FAM171A1: variants seen among roughly 807,000 people sequenced by gnomAD.
FAM171A1 encodes protein FAM171A1.
A neutral mutation model predicts 74.9 loss-of-function variants in FAM171A1; 23 were observed. That is an observed-to-expected ratio of 0.31 (90% confidence interval 0.22 to 0.44). The LOEUF (loss-of-function observed/expected upper bound fraction) is 0.44. Among genes scored for constraint, FAM171A1 ranks in the 20% least tolerant of loss-of-function variants. The pLI is 1.00. For synonymous variants in FAM171A1, 527 were observed against 505.7 expected (o/e 1.04, Z -0.57); for missense variants, 1,162 against 1,159.2 (o/e 1.00, Z -0.03).
rs192715891 is a variant in FAM171A1, at chr10:15,357,262, G to A, written c.97+13694C>T. ...CACACCATTGCACTCCAGCCTGGGT[G>A]ACAGAGCGAGACTCCGTCTCAAAAT... is the stretch of plus-strand genomic sequence containing the variant. On this transcript the variant is annotated intron_variant, in intron 1 of 7. Transcript: ENST00000378116. 2.0e-3 allele frequency among the ~76,000 whole-genome samples: 308 copies of A among 152,288 alleles called. 2 individuals are homozygous for A. Among genetic ancestry groups the A allele is most frequent in the African/African-American group, 6.9e-3 (287 of 41,564 alleles).
intron 1 of FAM171A1, among the ~76,000 whole-genome samples, chr10:15,315,511 C>A (rs916326117): frequency 6.6e-6 from 1 of 152,172 alleles, no homozygotes; most frequent in Non-Finnish European, 1.5e-5. Flanking sequence ...TACTGCAGAG[C>A]GTGCCTGTGA....
At position 15,212,852 on chromosome 10, in the gene FAM171A1, C is replaced by A. The variant is rs1486255169; in HGVS notation, c.*63G>T. Reference sequence around the variant, plus strand: ...TCCGTTTCCTCCACGAACGGGTACGCGCTTCCATGAGAAAGGATATTTGGC... The same window carrying A: ...TCCGTTTCCTCCACGAACGGGTACGAGCTTCCATGAGAAAGGATATTTGGC... On this transcript the variant is annotated 3_prime_UTR_variant, in exon 8 of 8. Coordinates refer to ENST00000378116, the MANE Select transcript of FAM171A1 (RefSeq NM_001010924.2). 6.3e-7 allele frequency: 1 copy of A among 1,589,288 alleles called. No individual in the cohort carries two copies. Among genetic ancestry groups the A allele is most frequent in the African/African-American group, 1.4e-5 (1 of 74,064 alleles).
intron 1 of FAM171A1, among the ~76,000 whole-genome samples, chr10:15,340,765 A>C (rs1305478420): frequency 2.0e-5 from 3 of 152,348 alleles, no homozygotes; most frequent in African/African-American, 7.2e-5. Context: ...TTGGATACTG[A>C]GAGCACAGCA....
intron 1 of FAM171A1, among the ~76,000 whole-genome samples, chr10:15,307,957 C>T (rs1835316873): frequency 6.6e-6 from 1 of 152,036 alleles, no homozygotes; most frequent in Admixed American, 6.5e-5. Flanking sequence ...GCACATGCCA[C>T]CATACTGGGC....
At position 15,223,447 on chromosome 10, in the gene FAM171A1, T is replaced by C. The variant is rs540468300; in HGVS notation, c.755-2387A>G. 1.8e-4 allele frequency among the ~76,000 whole-genome samples: 28 copies of C among 152,340 alleles called. No homozygotes were observed. The South Asian group carries it at 5.8e-3, about 32-fold the overall frequency. On this transcript the variant is annotated intron_variant, in intron 5 of 7. Transcript: ENST00000378116. ...GAGTCACTGCTTGTCAAACAGCAGA[T>C]TCTGGGTTAGGCTAAACGGGACCCA...
At chr10:15,303,898 A>C (rs1333967648) in intron 1 of FAM171A1, among the ~76,000 whole-genome samples, 1 of 152,220 alleles carries the variant, frequency 6.6e-6, no homozygotes, top group Admixed American at 6.5e-5. Flanking sequence ...GAAAGAGATT[A>C]AGTCAAGTCC....
chr10:15,316,381 GTGTT>G (rs1444054097), intron 1 of FAM171A1, among the ~76,000 whole-genome samples: 2 of 152,238 alleles, frequency 1.3e-5, no homozygotes, highest in African/African-American at 4.8e-5. Flanking sequence ...CCTGCTGCGT[GTGTT>G]TGTTCTGGGG....
chr10:15,283,836 G>T, intron 2 of FAM171A1, 42 bp downstream of exon 2: 2 of 1,593,046 alleles, frequency 1.3e-6, no homozygotes, highest in Non-Finnish European at 8.6e-7. Context: ...CCTCCCACCA[G>T]CCAATGCCCT....
chr10:15,368,701 T>C (rs995851145), intron 1 of FAM171A1, among the ~76,000 whole-genome samples: 2 of 152,168 alleles, frequency 1.3e-5, no homozygotes, highest in African/African-American at 4.8e-5. Context: ...TACAACCCAC[T>C]GTGGGAAATG....
chr10:15,219,450 A>G (rs1332318056), intron 6 of FAM171A1, among the ~76,000 whole-genome samples: 1 of 152,242 alleles, frequency 6.6e-6, no homozygotes, highest in Non-Finnish European at 1.5e-5. Flanking sequence ...AGTGCTTAAG[A>G]CAATTCTTTT....
intron 5 of FAM171A1, among the ~76,000 whole-genome samples, chr10:15,228,156 C>T (rs1322733236): frequency 6.6e-6 from 1 of 152,086 alleles, no homozygotes; most frequent in African/African-American, 2.4e-5. Context: ...ATTTACTCTG[C>T]CTGGAAACTC....
intron 3 of FAM171A1, among the ~76,000 whole-genome samples, chr10:15,269,451 A>G (rs1834793147): frequency 6.6e-6 from 1 of 152,116 alleles, no homozygotes; most frequent in Non-Finnish European, 1.5e-5. Flanking sequence ...GTATGCTCTT[A>G]GCACAGAAAT....
chr10:15,225,347 G>A (rs1479597893), intron 5 of FAM171A1, among the ~76,000 whole-genome samples: 1 of 152,212 alleles, frequency 6.6e-6, no homozygotes, highest in Non-Finnish European at 1.5e-5. Context: ...GATCATGCCT[G>A]GGATGCTGCC....
intron 1 of FAM171A1, among the ~76,000 whole-genome samples, chr10:15,340,180 G>T (rs530101886): frequency 2.0e-5 from 3 of 152,290 alleles, no homozygotes; most frequent in African/African-American, 7.2e-5. Context: ...GACTGTCTCT[G>T]CTCCCCATCA....
At position 15,370,866 on chromosome 10, in the gene FAM171A1, G is replaced by C. The variant is rs1179531361; in HGVS notation, c.97+90C>G. On this transcript the variant is annotated intron_variant, in intron 1 of 7. Transcript: ENST00000378116. ...GGGCTGCGTCGCCACCACGCGGCCCGGGACCCTCCCGCCGCCGCCGCCGCC... is the reference window on the plus strand; with the variant it reads ...GGGCTGCGTCGCCACCACGCGGCCCCGGACCCTCCCGCCGCCGCCGCCGCC... 6 of 550,278 alleles carry C rather than the reference G, an allele frequency of 1.1e-5. No individual in the cohort carries two copies. In the East Asian group the frequency reaches 7.9e-4, roughly 72 times the overall value. 34.1% of individuals were successfully genotyped at this position (550,278 alleles called of 1,614,324 possible). A position where few individuals can be genotyped will look rare whatever the true frequency, so the allele number is the denominator to read the frequency against.
chr10:15,214,320 T>C lies in FAM171A1; in HGVS notation c.1268A>G (p.Gln423Arg). Residue 423 changes from glutamine (Q) to arginine (R), a missense_variant, in exon 8 of 8, where the codon CAG (glutamine) becomes CGG (arginine). By Grantham distance (43) the Gln-to-Arg change is conservative. Transcript: ENST00000378116. ...GAGCTCCTCCCGGGAGCTAAATTCC[T>C]GGGAGGTGCTGTAGGAGAGCTTGAG... is the stretch of plus-strand genomic sequence containing the variant. ...PMLKLSYSTSQEFSSREELLS... is the reference protein window; with the variant it reads ...PMLKLSYSTSREFSSREELLS... 1 of 1,612,898 alleles carries C rather than the reference T, an allele frequency of 6.2e-7. No individual in the cohort carries two copies. The highest frequency in any genetic ancestry group is 8.5e-7 in the Non-Finnish European group (1 of 1,179,514).
chr10:15,274,013 T>C (rs1448679603), intron 3 of FAM171A1, among the ~76,000 whole-genome samples: 1 of 152,276 alleles, frequency 6.6e-6, no homozygotes, highest in South Asian at 2.1e-4. Flanking sequence ...CTGTTCAACA[T>C]AGTGTTGGAA....
At chr10:15,342,438 C>T (rs952827034) in intron 1 of FAM171A1, among the ~76,000 whole-genome samples, 7 of 152,074 alleles carry the variant, frequency 4.6e-5, no homozygotes, top group East Asian at 1.9e-4. Context: ...GGTGTGGTAG[C>T]GCTCCTGTAG....
chr10:15,347,780 A>G (rs1002661122), intron 1 of FAM171A1, among the ~76,000 whole-genome samples: 2 of 149,364 alleles, frequency 1.3e-5, no homozygotes, highest in African/African-American at 2.5e-5. Context: ...TGTTGCAGTA[A>G]GCCGAGATCG....
Sources: allele counts gnomAD v4.1 joint callset (sites outside exome capture counted in the v4.1 genomes callset), GRCh38; gene constraint gnomAD v4.1.1; transcripts MANE v1.5; gene names NCBI Gene and HGNC (gene_info 2026-07-23, HGNC 2026-07-21).